The following DDX11 variants were observed in gnomAD, a reference collection of about 807,000 sequenced individuals.
The protein encoded by DDX11 is DEAD/H-box helicase 11, also known as ATP-dependent DNA helicase DDX11.
A neutral mutation model predicts 125.2 loss-of-function variants in DDX11; 72 were observed. The observed-to-expected ratio is 0.58, with a 90% CI of 0.48 to 0.70. The LOEUF (loss-of-function observed/expected upper bound fraction) is 0.70. Ranked by LOEUF, DDX11 falls within the 30% of genes least tolerant of loss-of-function variation. The pLI is 0.00. For synonymous variants in DDX11, 347 were observed against 452.6 expected, an observed-to-expected ratio of 0.77 and a Z score of 2.96; for missense variants, 883 against 1,165.0, an observed-to-expected ratio of 0.76 and a Z score of 3.52.
At chr12:31,087,723 CT>C (rs1943405272) in intron 5 of DDX11, 3 of 794,664 alleles carry the variant, frequency 3.8e-6, no homozygotes, top group East Asian at 5.9e-5. Flanking sequence ...CCCCTTTCTC[CT>C]TTTTACATTT....
intron 5 of DDX11, chr12:31,085,896 C>A (rs1238838377): frequency 7.9e-6 from 3 of 377,440 alleles, no homozygotes; most frequent in South Asian, 2.0e-5. Flanking sequence ...GGGGGCTGCA[C>A]CTGATGATGA....
chr12:31,084,789 C>G (rs745943617), intron 4 of DDX11, 120 bp downstream of exon 4: 3 of 1,058,886 alleles, frequency 2.8e-6, no homozygotes, highest in South Asian at 2.7e-5. Flanking sequence ...GCTATGTGCT[C>G]CCGTACAGAA....
In DDX11 at chr12:31,093,312, G is replaced by A; in HGVS notation, c.1357G>A (p.Ala453Thr). ...QILYLLEKFV[A>T]VLGGNIKQNP... ...CCTGTATTTGCTGGAGAAATTCGTGGCTGTGCTAGGGGGTGAGAGCCTCGT... is the reference window on the plus strand; with the variant it reads ...CCTGTATTTGCTGGAGAAATTCGTGACTGTGCTAGGGGGTGAGAGCCTCGT... Residue 453 changes from alanine (A) to threonine (T), a missense_variant, in exon 12 of 27, where the codon GCT becomes ACT. Physicochemically the swap from Ala to Thr is moderately conservative, Grantham distance 58 (BLOSUM62 0). This residue lies in a region of DDX11 where 241 missense variants were observed against 279.7 expected (regional missense o/e 0.86). Coordinates refer to ENST00000542838, the MANE Select transcript of DDX11 (RefSeq NM_030653.4). The A allele has an allele frequency of 1.2e-6, 2 of 1,613,758 alleles. No individual in the cohort carries two copies. The highest frequency in any genetic ancestry group is 8.5e-7 in the Non-Finnish European group (1 of 1,179,794).
intron 1 of DDX11, 159 bp from the exon 2 acceptor site, chr12:31,078,231 C>G (rs2140401138): frequency 6.4e-7 from 1 of 1,553,466 alleles, no homozygotes; most frequent in East Asian, 2.4e-5. Context: ...TCACGTGGAC[C>G]TGCTGCGAAG....
At chr12:31,102,082 C>T (rs1180456650) in intron 21 of DDX11, 100 bp downstream of exon 21, 6 of 1,467,940 alleles carry the variant, frequency 4.1e-6, no homozygotes, top group Non-Finnish European at 5.6e-6. Flanking sequence ...CTTCTGGCTC[C>T]TCATCCCCAC....
rs760610637 is a variant in DDX11, at chr12:31,102,269, C to T, written c.2229C>T (p.His743=). The T allele has an allele frequency of 1.9e-6, 3 of 1,614,126 alleles. No homozygotes were observed. The South Asian group carries it at 3.3e-5, about 18-fold the overall frequency. Residue 743 remains histidine (H), a synonymous_variant, in exon 22 of 27, where the codon CAC becomes CAT. Coordinates refer to ENST00000542838, the MANE Select transcript of DDX11 (RefSeq NM_030653.4). ...TATTCCAGGAACCTAAGAGCGCACACCAGGTGGAGCAGGTGCTGCTGGCAT... is the reference window on the plus strand; with the variant it reads ...TATTCCAGGAACCTAAGAGCGCACATCAGGTGGAGCAGGTGCTGCTGGCAT... ...KKIFQEPKSA[H]QVEQVLLAYS...
intron 2 of DDX11, among the ~76,000 whole-genome samples, chr12:31,083,346 A>C (rs1942399303): frequency 6.6e-6 from 1 of 151,234 alleles, no homozygotes. Flanking sequence ...CACAAACCGT[A>C]AGCACTGGCG....
rs61918673 is a variant in DDX11 at position 31,102,346 on chromosome 12, G to A, written c.2271+35G>A. The A allele has an allele frequency of 0.2, 318,371 of 1,600,706 alleles. 34,319 individuals are homozygous for A. Among genetic ancestry groups the A allele is most frequent in the East Asian group, 0.38 (17,165 of 44,796 alleles). On this transcript the variant is annotated intron_variant, in intron 22 of 26. Transcript: ENST00000542838. ...TCATGCTGGGCTTGGGTCTGAGATC[G>A]TGTGGGGGTGGCAGCTGGAAACGTT...
chr12:31,103,737 T>A lies in DDX11; in HGVS notation c.2691+6T>A. ...CCATTGCTGCTGTGCAGAAGGTCAG[T>A]CCTACCTTTTTCTTTCTGAGAGCCT... is the stretch of plus-strand genomic sequence containing the variant. On this transcript the variant is annotated splice_donor_region_variant and intron_variant, in intron 26 of 26. Coordinates refer to ENST00000542838, the MANE Select transcript of DDX11 (RefSeq NM_030653.4). The A allele has an allele frequency of 6.2e-7, 1 of 1,613,608 alleles. No individual in the cohort carries two copies. The highest frequency in any genetic ancestry group is 8.5e-7 in the Non-Finnish European group (1 of 1,179,890).
intron 1 of DDX11, among the ~76,000 whole-genome samples, chr12:31,075,603 TTAAC>T (rs1361552386): frequency 6.6e-6 from 1 of 152,100 alleles, no homozygotes; most frequent in Non-Finnish European, 1.5e-5. Flanking sequence ...AACTGGCCAT[TTAAC>T]TAATAGGTAT....
chr12:31,098,791 T>C (rs1375176844), intron 18 of DDX11, among the ~76,000 whole-genome samples: 6 of 152,206 alleles, frequency 3.9e-5, no homozygotes, highest in Non-Finnish European at 1.5e-5. Flanking sequence ...CAGTAATTAT[T>C]GTTTCTGACG....
chr12:31,080,346 TCCC>T (rs1215929920), intron 2 of DDX11, among the ~76,000 whole-genome samples: 1 of 152,044 alleles, frequency 6.6e-6, no homozygotes, highest in Admixed American at 6.5e-5. Context: ...CTGGCCCTCC[TCCC>T]CCTCCCTCTT....
At chr12:31,089,546 G>T in intron 8 of DDX11, 56 bp downstream of exon 8, 1 of 1,554,198 alleles carries the variant, frequency 6.4e-7, no homozygotes. Flanking sequence ...TGAGGCAGGG[G>T]TGGCAGTGAC....
chr12:31,102,501 G>C lies in DDX11; in HGVS notation c.2346G>C (p.Gly782=), dbSNP rs771697286. 47 of 1,613,962 alleles carry C rather than the reference G, an allele frequency of 2.9e-5. No homozygotes were observed. Among genetic ancestry groups the C allele is most frequent in the Non-Finnish European group, 3.9e-5 (46 of 1,179,840 alleles). ...TGGTTGGAGGAAAGATGAGTGAAGG[G>C]ATCAACTTCTCTGACAACCTAGGCC... ...LSVVGGKMSE[G]INFSDNLGRC... The change falls in exon 23 of 27, where the codon GGG becomes GGC. Residue 782 remains glycine (G), a synonymous_variant. Transcript: ENST00000542838.
chr12:31,099,080 C>CTTT lies in DDX11; in HGVS notation c.1875+1084_1875+1086dup, dbSNP rs1467965765. The stretch of plus-strand genomic sequence containing the variant: ...AATCCATACTGGTATTTCTTTCTTT[C>CTTT]TTTCTTTTTTTTTTTTTTTTTTTTT... On this transcript the variant is annotated intron_variant, in intron 18 of 26. Coordinates refer to ENST00000542838, the MANE Select transcript of DDX11 (RefSeq NM_030653.4). Among the ~76,000 whole-genome samples the CTTT allele has an allele frequency of 7.4e-4, 60 of 81,280 alleles. 6 individuals carry two copies. Among genetic ancestry groups the CTTT allele is most frequent in the African/African-American group, 3.0e-3 (47 of 15,832 alleles). 53.3% of individuals were successfully genotyped at this position (81,280 alleles called of 152,430 possible).
chr12:31,099,480 C>G (rs1475109044), intron 18 of DDX11, among the ~76,000 whole-genome samples: 1 of 151,418 alleles, frequency 6.6e-6, no homozygotes, highest in Non-Finnish European at 1.5e-5. Context: ...CATTAACATA[C>G]TTATCTGCTC....
rs558229319 is a variant in DDX11 at position 31,102,264 on chromosome 12, G to A, written c.2224G>A (p.Ala742Thr). The change falls in exon 22 of 27, where the codon GCA becomes ACA. Residue 742 changes from alanine to threonine, a missense_variant. Transcript: ENST00000542838. ...RKKIFQEPKS[A>T]HQVEQVLLAY... is the part of the protein sequence containing the mutation. Reference sequence around the variant, plus strand: ...TCAGATATTCCAGGAACCTAAGAGCGCACACCAGGTGGAGCAGGTGCTGCT... The same window carrying A: ...TCAGATATTCCAGGAACCTAAGAGCACACACCAGGTGGAGCAGGTGCTGCT... 32 of 1,614,018 alleles carry A rather than the reference G, an allele frequency of 2.0e-5. No individual in the cohort carries two copies. The highest frequency in any genetic ancestry group is 1.3e-4 in the Admixed American group (8 of 60,020).
At chr12:31,095,800 G>C (rs1014128163) in intron 14 of DDX11, among the ~76,000 whole-genome samples, 1 of 152,048 alleles carries the variant, frequency 6.6e-6, no homozygotes, top group Admixed American at 6.5e-5. Context: ...CTTCCCATGG[G>C]TCTCGGGTCT....
rs1321441826 is a variant in DDX11 at position 31,104,110 on chromosome 12, A to G, written c.*274A>G. On this transcript the variant is annotated 3_prime_UTR_variant, in exon 27 of 27. Transcript: ENST00000542838. The stretch of plus-strand genomic sequence containing the variant: ...AATAGAATCTTTCTTTCCATCCTGC[A>G]TGGCTGAGAGCCAGGCTTCCTTCCT... The G allele has an allele frequency of 2.0e-6, 3 of 1,494,520 alleles. No homozygotes were observed. Among genetic ancestry groups the G allele is most frequent in the African/African-American group, 2.8e-5 (2 of 71,570 alleles). The allele number at this position is 1,494,520 out of a possible 1,614,324, so 92.6% of individuals were successfully genotyped here.
Sources: allele counts gnomAD v4.1 joint callset (sites outside exome capture counted in the v4.1 genomes callset), GRCh38; gene constraint gnomAD v4.1.1; regional missense constraint gnomAD v4.1.1; transcripts MANE v1.5; gene names NCBI Gene and HGNC (gene_info 2026-07-23, HGNC 2026-07-21).